The following PHRF1 variants were observed in gnomAD, a reference collection of about 807,000 sequenced individuals.
PHRF1 encodes PHD and RING finger domain-containing protein 1.
Under a neutral mutation model 128.9 loss-of-function variants are expected in PHRF1, and 53 were observed. The observed-to-expected ratio is 0.41, with a 90% confidence interval of 0.33 to 0.52. The LOEUF is 0.52. Ranked by LOEUF, PHRF1 falls within the 20% of genes least tolerant of loss-of-function variation. The pLI is 0.21. For synonymous variants in PHRF1, 1,178 were observed against 980.6 expected, an observed-to-expected ratio of 1.20 and a Z score of -3.76; for missense variants, 2,503 against 2,284.5, an observed-to-expected ratio of 1.10 and a Z score of -1.95.
At chr11:610,913 C>A in intron 16 of PHRF1, 41 bp from the exon 17 acceptor site, 1 of 1,604,778 alleles carries the variant, frequency 6.2e-7, no homozygotes, top group Non-Finnish European at 8.5e-7. Flanking sequence ...GAGGGACTCC[C>A]GGCTCCCTTC....
chr11:599,900 CTG>C, intron 9 of PHRF1, among the ~76,000 whole-genome samples: 1 of 152,182 alleles, frequency 6.6e-6, no homozygotes, highest in East Asian at 1.9e-4. Flanking sequence ...CTGGGAATCT[CTG>C]TAATTACCTG....
At position 612,081 on chromosome 11, in the gene PHRF1, T is replaced by C; in HGVS notation, c.*304T>C. 1 of 426,482 alleles carries C rather than the reference T, an allele frequency of 2.3e-6. No homozygotes were observed. The highest frequency in any genetic ancestry group is 4.2e-6 in the Non-Finnish European group (1 of 240,560). 26.4% of individuals were successfully genotyped at this position (426,482 alleles called of 1,614,324 possible). A position where few individuals can be genotyped will look rare whatever the true frequency, so the allele number is the denominator to read the frequency against. ...AGAAACCTCTTGATTGACTTACTAC[T>C]TGGAAGATAAAGCACTTGGTGATCA... On this transcript the variant is annotated 3_prime_UTR_variant, in exon 18 of 18. Transcript: ENST00000264555.
chr11:587,961 A>T (rs187446135), intron 4 of PHRF1, among the ~76,000 whole-genome samples: 14 of 152,352 alleles, frequency 9.2e-5, no homozygotes, highest in Non-Finnish European at 1.2e-4. Flanking sequence ...ATGAACTTTT[A>T]GAAGCAGTCA....
chr11:583,775 G>A (rs745630350), intron 3 of PHRF1, among the ~76,000 whole-genome samples: 12 of 152,200 alleles, frequency 7.9e-5, no homozygotes, highest in Non-Finnish European at 1.3e-4. Flanking sequence ...TGCGCTGGTG[G>A]TACCTCCTTC....
In PHRF1 at chr11:602,206, C is replaced by A. The variant is rs1237089822; in HGVS notation, c.1152+505C>A. On this transcript the variant is annotated intron_variant, in intron 10 of 17. Coordinates refer to ENST00000264555, the MANE Select transcript of PHRF1 (RefSeq NM_001286581.2). The stretch of plus-strand genomic sequence containing the variant: ...TGGCGTTTGTTGTCCTAGGCCCTTT[C>A]CATCCAAAATCATGGACCAGACATT... Among the ~76,000 whole-genome samples the A allele has an allele frequency of 2.0e-5, 3 of 152,196 alleles. No individual in the cohort carries two copies. The East Asian group carries it at 5.8e-4, about 29-fold the overall frequency.
At chr11:591,231 T>C (rs1299418425) in intron 4 of PHRF1, among the ~76,000 whole-genome samples, 153 bp from the exon 5 acceptor site, 1 of 152,222 alleles carries the variant, frequency 6.6e-6, no homozygotes, top group Non-Finnish European at 1.5e-5. Context: ...CAAGGCTCGC[T>C]GTGCTCCCTC....
At position 607,772 on chromosome 11, in the gene PHRF1, G is replaced by A. The variant is rs771727973; in HGVS notation, c.2316G>A (p.Ser772=). The stretch of plus-strand genomic sequence containing the variant: ...CATCAAGAGGGAAAGGGGTCGGGTC[G>A]ACCTTTGAGAGCTTCCGGATCAATA... ...LGPSRGKGVG[S]TFESFRINIP... is the part of the protein sequence containing the mutation. The change falls in exon 14 of 18, where the codon TCG becomes TCA. Residue 772 remains serine (S), a synonymous_variant. Coordinates refer to ENST00000264555, the MANE Select transcript of PHRF1 (RefSeq NM_001286581.2). 6.2e-6 allele frequency: 10 copies of A among 1,612,552 alleles called. No homozygotes were observed. The highest frequency in any genetic ancestry group is 2.7e-5 in the African/African-American group (2 of 75,050).
chr11:608,209 A>G lies in PHRF1; in HGVS notation c.2753A>G (p.Glu918Gly). ...AVAAEGASDT[E>G]REEPTESQGL... The stretch of plus-strand genomic sequence containing the variant: ...GCTGCCGAGGGGGCCTCTGACACGG[A>G]GCGAGAGGAGCCCACAGAGAGCCAG... Residue 918 changes from glutamate to glycine, a missense_variant, in exon 14 of 18, where the codon GAG (glutamate) becomes GGG (glycine). Transcript: ENST00000264555. 6.2e-7 allele frequency: 1 copy of G among 1,609,434 alleles called. No homozygotes were observed. Among genetic ancestry groups the G allele is most frequent in the Admixed American group, 1.7e-5 (1 of 60,004 alleles).
chr11:611,711 G>A lies in PHRF1; in HGVS notation c.4884G>A (p.Arg1628=), dbSNP rs1856416208. 6.2e-7 allele frequency: 1 copy of A among 1,612,912 alleles called. No homozygotes were observed. Among genetic ancestry groups the A allele is most frequent in the African/African-American group, 1.3e-5 (1 of 74,948 alleles). ...NLVKAYVDKY[R]HMRRHKKPEA... ...TGAAGGCGTACGTGGACAAGTACAG[G>A]CACATGCGCAGGCACAAGAAACCAG... Residue 1628 remains arginine, a synonymous_variant, in exon 18 of 18, where the codon AGG becomes AGA. Transcript: ENST00000264555.
At chr11:610,805 T>G (rs567862058) in intron 16 of PHRF1, 44 bp downstream of exon 16, 13 of 1,590,360 alleles carry the variant, frequency 8.2e-6, no homozygotes, top group Non-Finnish European at 1.1e-5. Context: ...CCCATCTTAC[T>G]TTGAAACTAA....
At position 609,186 on chromosome 11, in the gene PHRF1, C is replaced by T. The variant is rs1181101367; in HGVS notation, c.3730C>T (p.Pro1244Ser). Reference sequence around the variant, plus strand: ...CGACAAGGCCCCCCTGCAGGCTCCCCCTGTCCTGGAGGTGGCAGCTGAGTG... The same window carrying T: ...CGACAAGGCCCCCCTGCAGGCTCCCTCTGTCCTGGAGGTGGCAGCTGAGTG... ...TADKAPLQAPPVLEVAAECEP... is the reference protein window; with the variant it reads ...TADKAPLQAPSVLEVAAECEP... Residue 1244 changes from proline (P) to serine (S), a missense_variant, in exon 14 of 18, where the codon CCT (proline) becomes TCT (serine). By Grantham distance (74) the Pro-to-Ser change is moderately conservative (BLOSUM62 -1). Coordinates refer to ENST00000264555, the MANE Select transcript of PHRF1 (RefSeq NM_001286581.2). 4 of 1,607,508 alleles carry T rather than the reference C, an allele frequency of 2.5e-6. No individual in the cohort carries two copies. The highest frequency in any genetic ancestry group is 1.3e-5 in the African/African-American group (1 of 74,926).
At chr11:610,829 G>A (rs1856338082) in intron 16 of PHRF1, 68 bp downstream of exon 16, 1 of 1,584,958 alleles carries the variant, frequency 6.3e-7, no homozygotes, top group Non-Finnish European at 8.6e-7. Flanking sequence ...TGTTGGGGCT[G>A]AGTTTATGGG....
Position 605,250 on chromosome 11 carries a change from T to G in PHRF1, c.1284T>G (p.Ala428=). The G allele has an allele frequency of 1.2e-6, 2 of 1,613,684 alleles. No homozygotes were observed. Among genetic ancestry groups the G allele is most frequent in the Non-Finnish European group, 1.7e-6 (2 of 1,179,868 alleles). The change falls in exon 11 of 18, where the codon GCT becomes GCG. Residue 428 remains alanine (A), a synonymous_variant. Coordinates refer to ENST00000264555, the MANE Select transcript of PHRF1 (RefSeq NM_001286581.2). ...SLGLLRADIG[A]ASLSLFGDPY... ...GGCTGCTGAGAGCGGATATTGGAGC[T>G]GCCTCTCTGTCTCTGTTTGGAGATC...
chr11:584,396 G>A (rs554236097), intron 3 of PHRF1, among the ~76,000 whole-genome samples: 16 of 152,312 alleles, frequency 1.1e-4, no homozygotes, highest in South Asian at 4.1e-4. Context: ...GGCCCCCACC[G>A]TGTCTGCGCT....
At chr11:601,828 C>A in intron 10 of PHRF1, 127 bp downstream of exon 10, 1 of 1,210,708 alleles carries the variant, frequency 8.3e-7, no homozygotes, top group Non-Finnish European at 1.1e-6. Flanking sequence ...GGATCATCAT[C>A]GTCTTTGCTT....
intron 4 of PHRF1, among the ~76,000 whole-genome samples, chr11:589,976 A>G (rs528046752): frequency 6.9e-6 from 1 of 145,592 alleles, no homozygotes; most frequent in South Asian, 2.2e-4. Context: ...AGAGTCTGCA[A>G]ACGGGCACGG....
intron 5 of PHRF1, among the ~76,000 whole-genome samples, chr11:591,918 T>G (rs1009934792): frequency 2.6e-5 from 4 of 151,124 alleles, no homozygotes; most frequent in African/African-American, 7.3e-5. Flanking sequence ...GGCTGTTTTT[T>G]TTTTTTTTTT....
chr11:592,412 A>C, intron 5 of PHRF1, 147 bp from the exon 6 acceptor site: 11 of 707,840 alleles, frequency 1.6e-5, no homozygotes, highest in Non-Finnish European at 2.6e-5. Context: ...ATCCCTGTGT[A>C]CACGTGGAGG....
chr11:593,173 C>G (rs1478970792), intron 6 of PHRF1, among the ~76,000 whole-genome samples: 1 of 152,262 alleles, frequency 6.6e-6, no homozygotes, highest in Non-Finnish European at 1.5e-5. Context: ...GAGCCTGTGA[C>G]ACTTGTCTCC....
Sources: gnomAD v4.1 joint callset for allele counts (sites outside exome capture counted in the v4.1 genomes callset) on GRCh38, gnomAD v4.1.1 for gene constraint, MANE v1.5 for transcripts, NCBI Gene and HGNC (gene_info 2026-07-23, HGNC 2026-07-21) for gene names.